The following DDX55 variants were observed in gnomAD, a reference collection of about 807,000 sequenced individuals.
DDX55 encodes the protein ATP-dependent RNA helicase DDX55.
Under a neutral mutation model 69.2 loss-of-function variants are expected in DDX55, and 56 were observed. That is an observed-to-expected ratio of 0.81 (90% CI 0.65 to 1.01). The LOEUF (loss-of-function observed/expected upper bound fraction) is 1.01, where lower values mean the gene tolerates loss of function less well. Among genes scored for constraint, DDX55 ranks in the 50% least tolerant of loss-of-function variants. DDX55 has a pLI of 0.00. For synonymous variants in DDX55, 268 were observed against 273.1 expected (o/e 0.98, Z 0.18); for missense variants, 720 against 745.1 (o/e 0.97, Z 0.39).
chr12:123,602,174 G>A lies in DDX55; in HGVS notation c.26G>A (p.Trp9Ter), dbSNP rs1415266334. 5.1e-6 allele frequency: 8 copies of A among 1,563,792 alleles called. No individual in the cohort carries two copies. The highest frequency in any genetic ancestry group is 6.9e-6 in the Non-Finnish European group (8 of 1,156,346). The stretch of plus-strand genomic sequence containing the variant: ...ATGGAGCATGTGACAGAGGGCTCCT[G>A]GGAGTCGCTGCCTGTGCCGCTGCAC... MEHVTEGS[W>*]ESLPVPLHPQ... is the part of the protein sequence containing the mutation. The change falls in exon 1 of 14, where the codon TGG (tryptophan) becomes TAG (stop). Residue 9 changes from tryptophan to a stop codon, truncating the protein, a stop_gained. Transcript: ENST00000238146. LOFTEE classifies it high-confidence loss of function.
Position 123,620,579 on chromosome 12 carries a change from A to ATT in DDX55, c.*440_*441dup, listed in dbSNP as rs1332707995. ...GGGTCACATATAGACATATGTACAT[A>ATT]TTATATATATATATATATATATATA... On this transcript the variant is annotated 3_prime_UTR_variant, in exon 14 of 14. Transcript: ENST00000238146. 0.011 allele frequency: 782 copies of ATT among 70,910 alleles called. 22 individuals carry two copies. The highest frequency in any genetic ancestry group is 0.036 in the African/African-American group (713 of 19,616). 4.4% of individuals were successfully genotyped at this position (70,910 alleles called of 1,614,324 possible). A position where few individuals can be genotyped will look rare whatever the true frequency, so the allele number is the denominator to read the frequency against.
chr12:123,616,676 A>T lies in DDX55; in HGVS notation c.1049+73A>T, dbSNP rs1350901655. 10 of 1,460,334 alleles carry T rather than the reference A, an allele frequency of 6.8e-6. No individual in the cohort carries two copies. In the African/African-American group the frequency reaches 1.4e-4, roughly 20 times the overall value. 90.5% of individuals were successfully genotyped at this position (1,460,334 alleles called of 1,614,324 possible). On this transcript the variant is annotated intron_variant, in intron 10 of 13. Transcript: ENST00000238146. ...ATAAAGGAGGAATCCCGAAGAAGAT[A>T]AACAGATAATGATGTTCACTGAAAC...
chr12:123,609,551 T>C (rs1954088391), intron 6 of DDX55, among the ~76,000 whole-genome samples: 1 of 151,902 alleles, frequency 6.6e-6, no homozygotes, highest in Non-Finnish European at 1.5e-5. Context: ...TTTTTAATTT[T>C]TGGCAGAGAC....
intron 7 of DDX55, among the ~76,000 whole-genome samples, chr12:123,611,244 G>A (rs561933322): frequency 1.3e-5 from 2 of 152,364 alleles, no homozygotes; most frequent in South Asian, 4.1e-4. Context: ...GCTGGCTTCT[G>A]TAGTTTCTTC....
intron 7 of DDX55, among the ~76,000 whole-genome samples, chr12:123,612,707 G>A (rs1954340226): frequency 6.6e-6 from 1 of 151,950 alleles, no homozygotes; most frequent in Non-Finnish European, 1.5e-5. Context: ...CCTTTGGCTG[G>A]GCGAGGTGGC....
intron 9 of DDX55, 42 bp from the exon 10 acceptor site, chr12:123,616,469 T>A (rs1394768765): frequency 6.3e-7 from 1 of 1,580,854 alleles, no homozygotes; most frequent in Non-Finnish European, 8.7e-7. Context: ...GTGATGAAGA[T>A]GGTGGCCTCC....
At position 123,617,782 on chromosome 12, in the gene DDX55, C is replaced by G. The variant is rs10400486; in HGVS notation, c.1074C>G (p.Arg358=). 1.8e-3 allele frequency: 2,917 copies of G among 1,613,246 alleles called. 56 individuals carry two copies. In the African/African-American group the frequency reaches 0.033, roughly 18 times the overall value. The part of the protein sequence containing the change: ...NASAFVHRCG[R]TARIGHGGSA... ...GTGCCTTCGTGCATCGCTGCGGTCG[C>G]ACAGCTCGCATTGGCCACGGGGGCA... The change falls in exon 11 of 14, where the codon CGC becomes CGG. Residue 358 remains arginine, a synonymous_variant. Transcript: ENST00000238146.
At chr12:123,618,094 G>A (rs950090796) in intron 11 of DDX55, 45 of 462,156 alleles carry the variant, frequency 9.7e-5, no homozygotes, top group African/African-American at 4.9e-4. Flanking sequence ...TCGGTTCACC[G>A]CAACCTCCAC....
chr12:123,613,156 T>C lies in DDX55; in HGVS notation c.742-14T>C, dbSNP rs751467847. 6.2e-7 allele frequency: 1 copy of C among 1,613,584 alleles called. No homozygotes were observed. Among genetic ancestry groups the C allele is most frequent in the Admixed American group, 1.7e-5 (1 of 59,988 alleles). On this transcript the variant is annotated splice_polypyrimidine_tract_variant and intron_variant, in intron 7 of 13. Coordinates refer to ENST00000238146, the MANE Select transcript of DDX55 (RefSeq NM_020936.3). ...CAAATATGTTTTTTATTAGTTTCCC[T>C]TTTTATTTTGCAGGTATGCAAGGCA...
At chr12:123,618,364 TCTC>T in intron 11 of DDX55, 1 of 682,536 alleles carries the variant, frequency 1.5e-6, no homozygotes, top group South Asian at 1.4e-5. Flanking sequence ...AGTGACCAAG[TCTC>T]CTGTGTGGTA....
chr12:123,607,610 TG>T lies in DDX55; in HGVS notation c.351del (p.Trp117Ter). 3 of 1,614,192 alleles carry T rather than the reference TG, an allele frequency of 1.9e-6. No homozygotes were observed. Among genetic ancestry groups the T allele is most frequent in the Non-Finnish European group, 2.5e-6 (3 of 1,180,044 alleles). ...KHFPEFSQIL[W>X]IGGRNPGEDV... ...GTTTTCTTGTTGTAGCCAGATTCTT[TG>T]GATCGGAGGCAGGAATCCTGGAGAA... On this transcript the variant is annotated frameshift_variant, in exon 5 of 14. Transcript: ENST00000238146. LOFTEE classifies it high-confidence loss of function.
intron 2 of DDX55, 43 bp downstream of exon 2, chr12:123,606,024 T>G (rs1953867893): frequency 6.2e-7 from 1 of 1,610,640 alleles, no homozygotes. Context: ...GTGTTCTCCC[T>G]CAGATGAACT....
At chr12:123,613,975 T>C (rs1954463722) in intron 8 of DDX55, among the ~76,000 whole-genome samples, 1 of 151,956 alleles carries the variant, frequency 6.6e-6, no homozygotes, top group Admixed American at 6.5e-5. Context: ...TCTTTAGTAG[T>C]ACATAAAAAA....
chr12:123,604,336 A>C (rs983138470), intron 1 of DDX55, among the ~76,000 whole-genome samples: 1 of 152,196 alleles, frequency 6.6e-6, no homozygotes, highest in Non-Finnish European at 1.5e-5. Context: ...TGAGATCAGG[A>C]GTTCAAGACC....
chr12:123,608,918 G>T, intron 6 of DDX55, 89 bp downstream of exon 6: 6 of 1,165,348 alleles, frequency 5.1e-6, no homozygotes, highest in East Asian at 2.9e-5. Context: ...TTCATGACTA[G>T]GTATTTTTAT....
chr12:123,614,242 C>T (rs1460073629), intron 8 of DDX55, among the ~76,000 whole-genome samples: 1 of 152,190 alleles, frequency 6.6e-6, no homozygotes, highest in Non-Finnish European at 1.5e-5. Context: ...CCCACCAGGT[C>T]TGTGGGTTGT....
At chr12:123,619,826 T>C (rs1052910773) in intron 13 of DDX55, 102 bp downstream of exon 13, 5 of 1,518,168 alleles carry the variant, frequency 3.3e-6, no homozygotes, top group South Asian at 2.7e-5. Flanking sequence ...TTCTGTTACG[T>C]TGGCGACCAG....
At chr12:123,606,469 C>T (rs1953898072) in intron 3 of DDX55, among the ~76,000 whole-genome samples, 1 of 152,212 alleles carries the variant, frequency 6.6e-6, no homozygotes, top group Admixed American at 6.5e-5. Context: ...TAGAACACCC[C>T]AGTGGATCCT....
intron 6 of DDX55, 21 bp downstream of exon 6, chr12:123,608,850 C>A: frequency 1.2e-6 from 2 of 1,606,156 alleles, no homozygotes; most frequent in African/African-American, 2.7e-5. Context: ...TTGGACTTCA[C>A]TGGCTTGAGT....
Sources: allele counts gnomAD v4.1 joint callset (sites outside exome capture counted in the v4.1 genomes callset), GRCh38; gene constraint gnomAD v4.1.1; transcripts MANE v1.5; gene names NCBI Gene and HGNC (gene_info 2026-07-23, HGNC 2026-07-21).